The following TNFAIP8L1 variants were observed in gnomAD, a reference collection of about 807,000 sequenced individuals.
TNFAIP8L1 encodes tumor necrosis factor alpha-induced protein 8-like protein 1.
For missense variants in TNFAIP8L1, 225 were observed against 266.1 expected (o/e 0.85, Z 1.08); for synonymous variants, 127 against 125.6 (o/e 1.01, Z -0.08).
At position 4,653,941 on chromosome 19, in the gene TNFAIP8L1, A is replaced by C. The variant is rs1047461187; in HGVS notation, c.*1511A>C. ...TTGGGTGAGAGTGGGACTCTGTCTT[A>C]GAAAGAAAAAAAAAAGTATTTGGAC... On this transcript the variant is annotated 3_prime_UTR_variant, in exon 2 of 2. Transcript: ENST00000327473. The C allele has an allele frequency of 1.3e-5, 2 of 151,920 alleles. No individual in the cohort carries two copies. The highest frequency in any genetic ancestry group is 4.8e-5 in the African/African-American group (2 of 41,322). 9.4% of individuals were successfully genotyped at this position (151,920 alleles called of 1,614,324 possible). A position where few individuals can be genotyped will look rare whatever the true frequency, so the allele number is the denominator to read the frequency against.
rs959691890 is a variant in TNFAIP8L1 at position 4,639,632 on chromosome 19, G to A, written c.-4+3G>A. Reference sequence around the variant, plus strand: ...TACGGACTCTGCTTCGAGAGTAGGTGAGCGAGCAGTGCCGGGGCGCCCCCC... The same window carrying A: ...TACGGACTCTGCTTCGAGAGTAGGTAAGCGAGCAGTGCCGGGGCGCCCCCC... On this transcript the variant is annotated splice_donor_region_variant and intron_variant, in intron 1 of 1. Coordinates refer to ENST00000327473, the MANE Select transcript of TNFAIP8L1 (RefSeq NM_152362.3). 2.0e-5 allele frequency: 3 copies of A among 152,480 alleles called. No individual in the cohort carries two copies. Among genetic ancestry groups the A allele is most frequent in the African/African-American group, 7.2e-5 (3 of 41,460 alleles). 9.4% of individuals were successfully genotyped at this position (152,480 alleles called of 1,614,324 possible).
intron 1 of TNFAIP8L1, among the ~76,000 whole-genome samples, chr19:4,647,371 C>T (rs967240233): frequency 6.6e-5 from 10 of 151,092 alleles, no homozygotes; most frequent in African/African-American, 2.2e-4. Context: ...CTGGAGACCT[C>T]GGCTCACTGT....
chr19:4,652,229 G>C lies in TNFAIP8L1; in HGVS notation c.360G>C (p.Leu120=), dbSNP rs753022875. ...TFDRRVLAAG[L]LECRDLLHQA... ...ACCGGCGCGTGCTGGCCGCCGGGCT[G>C]CTCGAGTGCCGCGACCTGCTGCACC... Residue 120 remains leucine, a synonymous_variant, in exon 2 of 2, where the codon CTG becomes CTC. Transcript: ENST00000327473. 8 of 1,547,870 alleles carry C rather than the reference G, an allele frequency of 5.2e-6. No individual in the cohort carries two copies. The highest frequency in any genetic ancestry group is 4.1e-5 in the African/African-American group (3 of 73,170).
intron 1 of TNFAIP8L1, among the ~76,000 whole-genome samples, chr19:4,646,877 G>A (rs541107741): frequency 6.6e-5 from 10 of 152,300 alleles, no homozygotes; most frequent in East Asian, 3.9e-4. Context: ...TGATCCGCCC[G>A]CCTCGGCCTC....
chr19:4,643,402 C>A (rs909835807), intron 1 of TNFAIP8L1, among the ~76,000 whole-genome samples: 2 of 152,172 alleles, frequency 1.3e-5, no homozygotes, highest in Non-Finnish European at 2.9e-5. Flanking sequence ...AAGCCTGTCC[C>A]CTCCTCTGCA....
chr19:4,647,125 C>A (rs570509366), intron 1 of TNFAIP8L1, among the ~76,000 whole-genome samples: 1 of 152,180 alleles, frequency 6.6e-6, no homozygotes, highest in Non-Finnish European at 1.5e-5. Flanking sequence ...AATGGACATA[C>A]GGACATTTGA....
intron 1 of TNFAIP8L1, among the ~76,000 whole-genome samples, chr19:4,650,226 C>T (rs1032489320): frequency 4.0e-5 from 6 of 151,584 alleles, no homozygotes; most frequent in African/African-American, 9.7e-5. Context: ...GGGGAACCTG[C>T]GGCTCAGAGG....
intron 1 of TNFAIP8L1, among the ~76,000 whole-genome samples, chr19:4,648,924 CT>C (rs10526236): frequency 0.036 from 4,757 of 131,904 alleles, 201 homozygotes; most frequent in African/African-American, 0.14. Context: ...TGCAAACATC[CT>C]TTTTTTTTTT....
rs531789103 is a variant in TNFAIP8L1, at chr19:4,652,437, G to A, written c.*7G>A. On this transcript the variant is annotated 3_prime_UTR_variant, in exon 2 of 2. Coordinates refer to ENST00000327473, the MANE Select transcript of TNFAIP8L1 (RefSeq NM_152362.3). Reference sequence around the variant, plus strand: ...GGACGAGGGCAGCCTCTGAACCCCGGCGCCGCCCAACCGCGCCCCTCGCGC... The same window carrying A: ...GGACGAGGGCAGCCTCTGAACCCCGACGCCGCCCAACCGCGCCCCTCGCGC... The A allele has an allele frequency of 2.3e-5, 34 of 1,510,220 alleles. 1 individual carries two copies. In the African/African-American group the frequency reaches 2.8e-4, roughly 12 times the overall value. 93.6% of individuals were successfully genotyped at this position (1,510,220 alleles called of 1,614,324 possible). A position where few individuals can be genotyped will look rare whatever the true frequency, so the allele number is the denominator to read the frequency against.
chr19:4,644,826 C>A (rs1004364272), intron 1 of TNFAIP8L1, among the ~76,000 whole-genome samples: 1 of 151,954 alleles, frequency 6.6e-6, no homozygotes, highest in Admixed American at 6.6e-5. Context: ...GTCTTGGACT[C>A]CCGACCTAAG....
rs763846221 is a variant in TNFAIP8L1, at chr19:4,652,350, GGCCCCGCCGA to G, written c.486_495del (p.Ala163ThrfsTer75). On this transcript the variant is annotated frameshift_variant, in exon 2 of 2. Coordinates refer to ENST00000327473, the MANE Select transcript of TNFAIP8L1 (RefSeq NM_152362.3). LOFTEE classifies it low-confidence loss of function (END_TRUNC). ...CTGCGACTTCCTGGCTGCGCTCTAC[GGCCCCGCCGA>G]GCCCTACCGCTCCCACCTGCGCAGG... The G allele has an allele frequency of 1.9e-5, 30 of 1,550,942 alleles. 1 individual carries two copies. Among genetic ancestry groups the G allele is most frequent in the Non-Finnish European group, 2.6e-6 (3 of 1,150,180 alleles).
At position 4,653,439 on chromosome 19, in the gene TNFAIP8L1, G is replaced by C. The variant is rs1216006014; in HGVS notation, c.*1009G>C. On this transcript the variant is annotated 3_prime_UTR_variant, in exon 2 of 2. Coordinates refer to ENST00000327473, the MANE Select transcript of TNFAIP8L1 (RefSeq NM_152362.3). Reference sequence around the variant, plus strand: ...AAGACCAGTCTGGGCAACATGGTGAGACCCTCGTCTCTACAAAAAAAAAAT... The same window carrying C: ...AAGACCAGTCTGGGCAACATGGTGACACCCTCGTCTCTACAAAAAAAAAAT... 3 of 165,844 alleles carry C rather than the reference G, an allele frequency of 1.8e-5. No homozygotes were observed. The highest frequency in any genetic ancestry group is 7.3e-5 in the African/African-American group (3 of 41,000). 10.3% of individuals were successfully genotyped at this position (165,844 alleles called of 1,614,324 possible). A position where few individuals can be genotyped will look rare whatever the true frequency, so the allele number is the denominator to read the frequency against.
chr19:4,640,109 G>A (rs2088246029), intron 1 of TNFAIP8L1: 1 of 152,330 alleles, frequency 6.6e-6, no homozygotes, highest in Non-Finnish European at 1.5e-5. Flanking sequence ...GTGGCCTGTG[G>A]GGACTTGGCC....
Position 4,652,863 on chromosome 19 carries a change from A to AC in TNFAIP8L1, c.*440dup, listed in dbSNP as rs967293451. 5.8e-5 allele frequency: 11 copies of AC among 188,964 alleles called. No individual in the cohort carries two copies. Among genetic ancestry groups the AC allele is most frequent in the Middle Eastern group, 2.4e-3 (1 of 410 alleles). 11.7% of individuals were successfully genotyped at this position (188,964 alleles called of 1,614,324 possible). A position where few individuals can be genotyped will look rare whatever the true frequency, so the allele number is the denominator to read the frequency against. ...GAAGTGTTAGGGGGCAAGTCGCGGC[A>AC]CCCCCCCTTCCATAAACTCACGTCC... On this transcript the variant is annotated 3_prime_UTR_variant, in exon 2 of 2. Coordinates refer to ENST00000327473, the MANE Select transcript of TNFAIP8L1 (RefSeq NM_152362.3).
intron 1 of TNFAIP8L1, among the ~76,000 whole-genome samples, chr19:4,644,581 C>T (rs959078170): frequency 6.8e-5 from 10 of 148,044 alleles, no homozygotes; most frequent in Non-Finnish European, 1.0e-4. Flanking sequence ...AAATGGACAC[C>T]GGCTTGCAAG....
At position 4,652,447 on chromosome 19, in the gene TNFAIP8L1, A is replaced by G. The variant is rs1480218878; in HGVS notation, c.*17A>G. 6.7e-7 allele frequency: 1 copy of G among 1,494,732 alleles called. No homozygotes were observed. The highest frequency in any genetic ancestry group is 1.3e-5 in the South Asian group (1 of 77,686). The allele number at this position is 1,494,732 out of a possible 1,614,324, so 92.6% of individuals were successfully genotyped here. A position where few individuals can be genotyped will look rare whatever the true frequency, so the allele number is the denominator to read the frequency against. ...AGCCTCTGAACCCCGGCGCCGCCCA[A>G]CCGCGCCCCTCGCGCCTTTTGGGGC... On this transcript the variant is annotated 3_prime_UTR_variant, in exon 2 of 2. Coordinates refer to ENST00000327473, the MANE Select transcript of TNFAIP8L1 (RefSeq NM_152362.3).
chr19:4,654,784 T>A lies in TNFAIP8L1; in HGVS notation c.*2354T>A, dbSNP rs1017091699. The A allele has an allele frequency of 2.0e-5, 3 of 151,504 alleles. No homozygotes were observed. In the East Asian group the frequency reaches 5.8e-4, roughly 29 times the overall value. 9.4% of individuals were successfully genotyped at this position (151,504 alleles called of 1,614,324 possible). On this transcript the variant is annotated 3_prime_UTR_variant, in exon 2 of 2. Coordinates refer to ENST00000327473, the MANE Select transcript of TNFAIP8L1 (RefSeq NM_152362.3). Reference sequence around the variant, plus strand: ...GGCGTGGAGGCGTGGTGTGGGGGAGTCTATTTGCCATTTTTGTTTGTCAGC... The same window carrying A: ...GGCGTGGAGGCGTGGTGTGGGGGAGACTATTTGCCATTTTTGTTTGTCAGC...
In TNFAIP8L1 at chr19:4,652,245, C is replaced by G. The variant is rs537571882; in HGVS notation, c.376C>G (p.Leu126Val). The G allele has an allele frequency of 1.5e-5, 23 of 1,556,296 alleles. No homozygotes were observed. In the East Asian group the frequency reaches 5.5e-4, roughly 37 times the overall value. Residue 126 changes from leucine to valine, a missense_variant, in exon 2 of 2, where the codon CTG becomes GTG. By Grantham distance (32) the Leu-to-Val change is conservative. Transcript: ENST00000327473. The part of the protein sequence containing the change: ...LAAGLLECRD[L>V]LHQAVGPHLT... Reference sequence around the variant, plus strand: ...CGCCGGGCTGCTCGAGTGCCGCGACCTGCTGCACCAGGCCGTGGGTCCCCA... The same window carrying G: ...CGCCGGGCTGCTCGAGTGCCGCGACGTGCTGCACCAGGCCGTGGGTCCCCA...
In TNFAIP8L1 at chr19:4,653,946, GA is replaced by G. The variant is rs886078522; in HGVS notation, c.*1526del. On this transcript the variant is annotated 3_prime_UTR_variant, in exon 2 of 2. Transcript: ENST00000327473. ...TGAGAGTGGGACTCTGTCTTAGAAA[GA>G]AAAAAAAAAGTATTTGGACACAGAC... 9 of 148,316 alleles carry G rather than the reference GA, an allele frequency of 6.1e-5. No individual in the cohort carries two copies. The highest frequency in any genetic ancestry group is 2.1e-4 in the South Asian group (1 of 4,674). The allele number at this position is 148,316 out of a possible 1,614,324, so 9.2% of individuals were successfully genotyped here.
Sources: allele counts gnomAD v4.1 joint callset (sites outside exome capture counted in the v4.1 genomes callset), GRCh38; gene constraint gnomAD v4.1.1; transcripts MANE v1.5; gene names NCBI Gene and HGNC (gene_info 2026-07-23, HGNC 2026-07-21).